Variants in SETBP1 observed in about 807,000 individuals in gnomAD.
SETBP1 encodes the protein SET binding protein 1, also known as SET-binding protein.
A neutral mutation model predicts 101.0 loss-of-function variants in SETBP1; 9 were observed. That is an observed-to-expected ratio of 0.09 (90% CI 0.05 to 0.16). The LOEUF (loss-of-function observed/expected upper bound fraction) is 0.16. Ranked by LOEUF, SETBP1 falls within the 10% of genes least tolerant of loss-of-function variation. The pLI is 1.00. For synonymous variants in SETBP1, 818 were observed against 788.5 expected (o/e 1.04, Z -0.63); for missense variants, 1,858 against 2,033.8 (o/e 0.91, Z 1.66).
At chr18:44,705,342 A>C (rs2069196049) in intron 2 of SETBP1, among the ~76,000 whole-genome samples, 1 of 152,230 alleles carries the variant, frequency 6.6e-6, no homozygotes, top group African/African-American at 2.4e-5. Flanking sequence ...TTGTTGTGAC[A>C]GAGGTACTAT....
At chr18:44,897,140 A>T (rs1042177369) in intron 3 of SETBP1, among the ~76,000 whole-genome samples, 2 of 152,174 alleles carry the variant, frequency 1.3e-5, no homozygotes, top group African/African-American at 4.8e-5. Context: ...TTTGCGCTCC[A>T]GAGTTGCTGA....
At chr18:45,041,816 G>A (rs1236088607) in intron 5 of SETBP1, among the ~76,000 whole-genome samples, 1 of 151,954 alleles carries the variant, frequency 6.6e-6, no homozygotes, top group Non-Finnish European at 1.5e-5. Context: ...AATTAACCAG[G>A]TGTGGTGGCA....
intron 4 of SETBP1, among the ~76,000 whole-genome samples, chr18:44,985,850 A>C (rs2072219423): frequency 6.6e-6 from 1 of 152,244 alleles, no homozygotes; most frequent in African/African-American, 2.4e-5. Context: ...GAGATCCTGC[A>C]GGGGAAGCTA....
At position 44,984,057 on chromosome 18, in the gene SETBP1, C is replaced by T. The variant is rs373138771; in HGVS notation, c.4000+30717C>T. On this transcript the variant is annotated intron_variant, in intron 4 of 5. Transcript: ENST00000649279. ...CTCTACTAAAAATACAAAAATTAGC[C>T]GGGCGTGGTTGCATGAGCCTGTAAT... Among the ~76,000 whole-genome samples, 32 of 152,116 alleles carry T rather than the reference C, an allele frequency of 2.1e-4. 1 individual carries two copies. Among genetic ancestry groups the T allele is most frequent in the African/African-American group, 3.6e-4 (15 of 41,512 alleles).
chr18:45,016,766 C>CACACAG (rs1491511115), intron 4 of SETBP1, among the ~76,000 whole-genome samples: 1 of 134,674 alleles, frequency 7.4e-6, no homozygotes, highest in Non-Finnish European at 1.6e-5. Flanking sequence ...CACACACACA[C>CACACAG]AGAGAGCTCT....
At chr18:44,718,047 G>T (rs1446695162) in intron 2 of SETBP1, among the ~76,000 whole-genome samples, 2 of 152,200 alleles carry the variant, frequency 1.3e-5, no homozygotes, top group African/African-American at 4.8e-5. Flanking sequence ...ACTAATAAGA[G>T]TTTTTGCTCA....
Position 44,941,588 on chromosome 18 carries a change from C to T in SETBP1, c.541-8293C>T, listed in dbSNP as rs144376985. On this transcript the variant is annotated intron_variant, in intron 3 of 5. Coordinates refer to ENST00000649279, the MANE Select transcript of SETBP1 (RefSeq NM_015559.3). ...GTATTCTCATTATCAGTCTGTTAGACCTCTTGATATTGCTCCATAGATCAG... is the reference window on the plus strand; with the variant it reads ...GTATTCTCATTATCAGTCTGTTAGATCTCTTGATATTGCTCCATAGATCAG... Among the ~76,000 whole-genome samples the T allele has an allele frequency of 8.0e-3, 1,222 of 152,146 alleles. 21 individuals are homozygous for T. Among genetic ancestry groups the T allele is most frequent in the African/African-American group, 0.028 (1,147 of 41,516 alleles).
chr18:44,919,706 G>C (rs901127364), intron 3 of SETBP1, among the ~76,000 whole-genome samples: 3 of 151,108 alleles, frequency 2.0e-5, no homozygotes, highest in African/African-American at 7.3e-5. Context: ...TTAATAATCT[G>C]TGCCATTTGA....
At chr18:44,844,858 A>C (rs925270893) in intron 2 of SETBP1, among the ~76,000 whole-genome samples, 1 of 152,096 alleles carries the variant, frequency 6.6e-6, no homozygotes. Context: ...CCAGACAAAG[A>C]GGAGGGCTGA....
intron 5 of SETBP1, among the ~76,000 whole-genome samples, chr18:45,052,987 A>G (rs1427705462): frequency 1.3e-5 from 2 of 152,234 alleles, no homozygotes; most frequent in African/African-American, 4.8e-5. Flanking sequence ...AACTTTGCAG[A>G]TTTAAATAGA....
At chr18:44,735,766 G>C (rs992815671) in intron 2 of SETBP1, among the ~76,000 whole-genome samples, 5 of 152,180 alleles carry the variant, frequency 3.3e-5, no homozygotes, top group African/African-American at 1.2e-4. Flanking sequence ...AGTAGTCCAT[G>C]ACTTAACACA....
intron 3 of SETBP1, among the ~76,000 whole-genome samples, chr18:44,897,595 TG>T (rs960104477): frequency 6.6e-6 from 1 of 152,090 alleles, no homozygotes; most frequent in Non-Finnish European, 1.5e-5. Flanking sequence ...TTGAGTTGTG[TG>T]GGAAACACTG....
At chr18:44,828,546 T>C (rs2072286761) in intron 2 of SETBP1, among the ~76,000 whole-genome samples, 1 of 152,248 alleles carries the variant, frequency 6.6e-6, no homozygotes. Context: ...GAACATTGAC[T>C]GTTTTTCCTA....
In SETBP1 at chr18:44,950,032, T is replaced by C. The variant is rs2071301162; in HGVS notation, c.692T>C (p.Val231Ala). The C allele has an allele frequency of 6.2e-7, 1 of 1,614,170 alleles. No individual in the cohort carries two copies. The highest frequency in any genetic ancestry group is 8.5e-7 in the Non-Finnish European group (1 of 1,180,004). ...TCCACCAACTCTGACAGCGGACCCG[T>C]CACTCAGAATTGCTTCATCAGTCCA... is the stretch of plus-strand genomic sequence containing the variant. The part of the protein sequence containing the change: ...DWSTNSDSGP[V>A]TQNCFISPES... Residue 231 changes from valine to alanine, a missense_variant, in exon 4 of 6, where the codon GTC (valine) becomes GCC (alanine). By Grantham distance (64) the Val-to-Ala change is moderately conservative. Transcript: ENST00000649279.
chr18:44,774,966 G>A (rs1386923451), intron 2 of SETBP1, among the ~76,000 whole-genome samples: 1 of 149,624 alleles, frequency 6.7e-6, no homozygotes, highest in Non-Finnish European at 1.5e-5. Flanking sequence ...ATAATGCTTT[G>A]GAGCTAGGCT....
chr18:44,933,217 C>T (rs2070877841), intron 3 of SETBP1, among the ~76,000 whole-genome samples: 1 of 152,218 alleles, frequency 6.6e-6, no homozygotes, highest in Non-Finnish European at 1.5e-5. Flanking sequence ...CTGAGGTCCC[C>T]TCCAGACCCT....
rs2073992262 is a variant in SETBP1, at chr18:45,068,089, T to TA, written c.*4393dup. The TA allele has an allele frequency of 6.6e-6, 1 of 152,250 alleles. No homozygotes were observed. Among genetic ancestry groups the TA allele is most frequent in the Admixed American group, 6.5e-5 (1 of 15,286 alleles). The allele number at this position is 152,250 out of a possible 1,614,324, so 9.4% of individuals were successfully genotyped here. On this transcript the variant is annotated 3_prime_UTR_variant, in exon 6 of 6. Coordinates refer to ENST00000649279, the MANE Select transcript of SETBP1 (RefSeq NM_015559.3). ...CTGGCTAATTTTTAGTTTGTATTCA[T>TA]AAGTGGTTTTTAAAAGCCTTTTTTA...
At chr18:44,733,483 C>T (rs1345018770) in intron 2 of SETBP1, among the ~76,000 whole-genome samples, 2 of 152,220 alleles carry the variant, frequency 1.3e-5, no homozygotes, top group Non-Finnish European at 2.9e-5. Flanking sequence ...TCCCCAAATG[C>T]TTGTGCACAC....
intron 2 of SETBP1, among the ~76,000 whole-genome samples, chr18:44,763,757 C>T (rs1300235687): frequency 2.6e-5 from 4 of 152,160 alleles, no homozygotes; most frequent in African/African-American, 7.2e-5. Flanking sequence ...TTAATCCTTT[C>T]CTCCTTTTTA....
Sources: gnomAD v4.1 joint callset for allele counts (sites outside exome capture counted in the v4.1 genomes callset) on GRCh38, gnomAD v4.1.1 for gene constraint, MANE v1.5 for transcripts, NCBI Gene and HGNC (gene_info 2026-07-23, HGNC 2026-07-21) for gene names.